The following WIZ variants were observed in gnomAD, a reference collection of about 807,000 sequenced individuals.
The protein encoded by WIZ is protein Wiz.
WIZ carries 25 observed loss-of-function variants against 140.2 expected under a neutral mutation model. The observed-to-expected ratio is 0.18, with a 90% confidence interval of 0.13 to 0.25. WIZ has a LOEUF of 0.25. Ranked by LOEUF, WIZ falls within the 10% of genes least tolerant of loss-of-function variation. The probability of loss-of-function intolerance (pLI) is 1.00; values close to 1 mark genes in which losing one functional copy is unlikely to be tolerated. For missense variants in WIZ, 2,231 were observed against 2,632.6 expected (o/e 0.85, Z 3.34); for synonymous variants, 1,125 against 1,154.3 (o/e 0.97, Z 0.51).
Position 15,429,818 on chromosome 19 carries a change from G to A in WIZ, c.3183C>T (p.Pro1061=), listed in dbSNP as rs1186230922. 1 of 1,526,508 alleles carries A rather than the reference G, an allele frequency of 6.6e-7. No individual in the cohort carries two copies. Among genetic ancestry groups the A allele is most frequent in the African/African-American group, 1.4e-5 (1 of 72,680 alleles). 94.6% of individuals were successfully genotyped at this position (1,526,508 alleles called of 1,614,324 possible). ...CTTTGTTGACAGCAGGGGCATCCAAGGGCTTGGCCAGGCTGAGCAAGCCGG... is the reference window on the plus strand; with the variant it reads ...CTTTGTTGACAGCAGGGGCATCCAAAGGCTTGGCCAGGCTGAGCAAGCCGG... ...PRPGLLSLAK[P]LDAPAVNKAI... is the part of the protein sequence containing the mutation. The change falls in exon 7 of 13, where the codon CCC becomes CCT. Residue 1061 remains proline, a synonymous_variant. Transcript: ENST00000673675.
Position 15,430,052 on chromosome 19 carries a change from G to A in WIZ, c.2949C>T (p.Cys983=). 3 of 1,534,944 alleles carry A rather than the reference G, an allele frequency of 2.0e-6. No individual in the cohort carries two copies. The highest frequency in any genetic ancestry group is 2.6e-6 in the Non-Finnish European group (3 of 1,146,196). The change falls in exon 7 of 13, where the codon TGC becomes TGT. Residue 983 remains cysteine (C), a synonymous_variant. Transcript: ENST00000673675. ...TGGACAGGCCCTTTCGGGTCTCAAA[G>A]CAGGCACCGCAGACCTCGCAGGTGG... ...SLTTCEVCGA[C]FETRKGLSSH... is the part of the protein sequence containing the mutation.
Position 15,425,291 on chromosome 19 carries a change from G to A in WIZ, c.4844C>T (p.Thr1615Ile). The A allele has an allele frequency of 6.3e-7, 1 of 1,591,856 alleles. No individual in the cohort carries two copies. The highest frequency in any genetic ancestry group is 8.5e-7 in the Non-Finnish European group (1 of 1,169,800). The change falls in exon 10 of 13, where the codon ACT (threonine) becomes ATT (isoleucine). Residue 1615 changes from threonine to isoleucine, a missense_variant. By Grantham distance (89) the Thr-to-Ile change is moderately conservative (BLOSUM62 -1). Coordinates refer to ENST00000673675, the MANE Select transcript of WIZ (RefSeq NM_001371589.1). The part of the protein sequence containing the change: ...AEVKAKTYIQ[T>I]ELPFKAKTLH... The stretch of plus-strand genomic sequence containing the variant: ...GGTCTTTGCCTTGAAGGGCAGTTCA[G>A]TCTGGATGTAGGTCTTGGCCTTGAC...
At position 15,440,135 on chromosome 19, in the gene WIZ, C is replaced by G. The variant is rs764300974; in HGVS notation, c.859G>C (p.Gly287Arg). ...LQPLLPPIRT[G>R]PYLCELLEEV... The stretch of plus-strand genomic sequence containing the variant: ...TCCAGCAGCTCACACAGGTAGGGCC[C>G]GGTCCGGATCGGGGGCAGTAGCGGC... Residue 287 changes from glycine (G) to arginine (R), a missense_variant, in exon 4 of 13, where the codon GGG (glycine) becomes CGG (arginine). Coordinates refer to ENST00000673675, the MANE Select transcript of WIZ (RefSeq NM_001371589.1). This position sits in a 1 kb window ranked among gnomAD's most constrained non-coding sequence, Gnocchi z 6.2. 3 of 1,532,552 alleles carry G rather than the reference C, an allele frequency of 2.0e-6. No individual in the cohort carries two copies. The African/African-American group carries it at 4.1e-5, about 21-fold the overall frequency. 94.9% of individuals were successfully genotyped at this position (1,532,552 alleles called of 1,614,324 possible). A position where few individuals can be genotyped will look rare whatever the true frequency, so the allele number is the denominator to read the frequency against.
At chr19:15,438,319 T>C (rs1969592872) in intron 4 of WIZ, among the ~76,000 whole-genome samples, 1 of 152,164 alleles carries the variant, frequency 6.6e-6, no homozygotes, top group Non-Finnish European at 1.5e-5. Flanking sequence ...TAAATATTTG[T>C]TGAATGGAGG....
chr19:15,432,383 G>A (rs1969308165), intron 5 of WIZ: 1 of 965,674 alleles, frequency 1.0e-6, no homozygotes, highest in Admixed American at 6.2e-5. Flanking sequence ...GCACCGGCAG[G>A]CGGGATTCCG....
Position 15,440,860 on chromosome 19 carries a change from A to T in WIZ, c.279-145T>A. On this transcript the variant is annotated intron_variant, in intron 3 of 12. Transcript: ENST00000673675. This position sits in a 1 kb window ranked among gnomAD's most constrained non-coding sequence, Gnocchi z 6.2. ...ACAGGGGTGTGGGGGTGAGGGTGGG[A>T]GGTAGGGGGAGTCCACGTGGATCCT... 1 of 714,364 alleles carries T rather than the reference A, an allele frequency of 1.4e-6. No homozygotes were observed. The highest frequency in any genetic ancestry group is 2.2e-6 in the Non-Finnish European group (1 of 447,258). The allele number at this position is 714,364 out of a possible 1,614,324, so 44.3% of individuals were successfully genotyped here. A position where few individuals can be genotyped will look rare whatever the true frequency, so the allele number is the denominator to read the frequency against.
intron 5 of WIZ, among the ~76,000 whole-genome samples, chr19:15,435,381 G>C (rs1369894481): frequency 1.3e-5 from 2 of 152,116 alleles, no homozygotes; most frequent in African/African-American, 4.8e-5. Flanking sequence ...GAGGCAGGAG[G>C]ATTGCTTGAG....
Position 15,431,048 on chromosome 19 carries a change from G to T in WIZ, c.2875C>A (p.Pro959Thr). The change falls in exon 6 of 13, where the codon CCT (proline) becomes ACT (threonine). Residue 959 changes from proline (P) to threonine (T), a missense_variant. Physicochemically the swap from Pro to Thr is conservative, Grantham distance 38. Coordinates refer to ENST00000673675, the MANE Select transcript of WIZ (RefSeq NM_001371589.1). ...RLSSKVAAEV[P>T]HGSKQELQDL... ...TGCAGCTCCTGTTTGCTGCCATGAG[G>T]AACCTCTGCAGCCACTTTGCTGCTC... 6.5e-7 allele frequency: 1 copy of T among 1,535,702 alleles called. No homozygotes were observed. Among genetic ancestry groups the T allele is most frequent in the South Asian group, 1.2e-5 (1 of 83,976 alleles).
chr19:15,425,028 G>A lies in WIZ; in HGVS notation c.4899C>T (p.Thr1633=), dbSNP rs773770799. The A allele has an allele frequency of 8.9e-6, 14 of 1,578,492 alleles. No individual in the cohort carries two copies. The highest frequency in any genetic ancestry group is 1.3e-5 in the African/African-American group (1 of 74,504). ...TLHEKTSHSS[T]EACCELCGLY... Reference sequence around the variant, plus strand: ...GGCCACACAGCTCGCAGCAGGCCTCGGTGGCTGCGGGGCGGAGGGGGTGCT... The same window carrying A: ...GGCCACACAGCTCGCAGCAGGCCTCAGTGGCTGCGGGGCGGAGGGGGTGCT... Residue 1633 remains threonine (T), a synonymous_variant, in exon 11 of 13, where the codon ACC becomes ACT. Transcript: ENST00000673675.
Position 15,439,404 on chromosome 19 carries a change from C to A in WIZ, c.1590G>T (p.Pro530=). 6.5e-7 allele frequency: 1 copy of A among 1,527,728 alleles called. No individual in the cohort carries two copies. Among genetic ancestry groups the A allele is most frequent in the Non-Finnish European group, 8.8e-7 (1 of 1,141,296 alleles). 94.6% of individuals were successfully genotyped at this position (1,527,728 alleles called of 1,614,324 possible). ...TAVDYFGKAE[P]SLAPMWRENP... is the part of the protein sequence containing the mutation. Reference sequence around the variant, plus strand: ...TCTCCCGCCACATGGGGGCCAAGGACGGCTCAGCTTTGCCAAAGTAGTCCA... The same window carrying A: ...TCTCCCGCCACATGGGGGCCAAGGAAGGCTCAGCTTTGCCAAAGTAGTCCA... Residue 530 remains proline, a synonymous_variant, in exon 4 of 13, where the codon CCG becomes CCT. Transcript: ENST00000673675. This position sits in a 1 kb window ranked among gnomAD's most constrained non-coding sequence, Gnocchi z 7.0.
In WIZ at chr19:15,428,181, T is replaced by C; in HGVS notation, c.3743A>G (p.Gln1248Arg). The stretch of plus-strand genomic sequence containing the variant: ...GGCGGCTGCGGCGGCCGAGAGGTCC[T>C]GCTTCCCCCAGGGGCTGGCCATACC... ...AAGMASPWGK[Q>R]DLSAAAAAGI... Residue 1248 changes from glutamine (Q) to arginine (R), a missense_variant, in exon 8 of 13, where the codon CAG becomes CGG. By Grantham distance (43) the Gln-to-Arg change is conservative. Coordinates refer to ENST00000673675, the MANE Select transcript of WIZ (RefSeq NM_001371589.1). This position sits in a 1 kb window ranked among gnomAD's most constrained non-coding sequence, Gnocchi z 6.4. 1 of 1,534,518 alleles carries C rather than the reference T, an allele frequency of 6.5e-7. No homozygotes were observed. The highest frequency in any genetic ancestry group is 2.4e-5 in the East Asian group (1 of 40,902).
Position 15,422,918 on chromosome 19 carries a change from C to A in WIZ, c.*158G>T. 1.7e-6 allele frequency: 2 copies of A among 1,143,996 alleles called. No individual in the cohort carries two copies. Among genetic ancestry groups the A allele is most frequent in the Non-Finnish European group, 2.4e-6 (2 of 837,454 alleles). 70.9% of individuals were successfully genotyped at this position (1,143,996 alleles called of 1,614,324 possible). On this transcript the variant is annotated 3_prime_UTR_variant, in exon 13 of 13. Coordinates refer to ENST00000673675, the MANE Select transcript of WIZ (RefSeq NM_001371589.1). ...GGAAGGGCAGCTAGCTGGCTCCCGG[C>A]GCCCTGGCTGTAGTGTGCCCGGCCC...
chr19:15,420,756 A>G lies in WIZ; in HGVS notation c.*2320T>C, dbSNP rs1396102192. 1 of 152,266 alleles carries G rather than the reference A, an allele frequency of 6.6e-6. No individual in the cohort carries two copies. Among genetic ancestry groups the G allele is most frequent in the Non-Finnish European group, 1.5e-5 (1 of 68,048 alleles). 9.4% of individuals were successfully genotyped at this position (152,266 alleles called of 1,614,324 possible). On this transcript the variant is annotated 3_prime_UTR_variant, in exon 13 of 13. Transcript: ENST00000673675. The stretch of plus-strand genomic sequence containing the variant: ...CATGATTGGTGGGGAGGAACTTGCC[A>G]TATGACTTTATAAGCTCTTGTATCA...
At chr19:15,448,765 T>C (rs1368168669) in intron 1 of WIZ, among the ~76,000 whole-genome samples, 1 of 152,110 alleles carries the variant, frequency 6.6e-6, no homozygotes, top group Non-Finnish European at 1.5e-5. Flanking sequence ...CTGCCATGCC[T>C]TCGTTTCCTC....
At chr19:15,435,516 C>T (rs528542555) in intron 5 of WIZ, among the ~76,000 whole-genome samples, 6 of 152,242 alleles carry the variant, frequency 3.9e-5, no homozygotes, top group Admixed American at 3.9e-4. Flanking sequence ...TCAGGTCTGC[C>T]GGATAAAGCA....
chr19:15,424,461 G>C lies in WIZ; in HGVS notation c.5315-83C>G. 1 of 1,545,776 alleles carries C rather than the reference G, an allele frequency of 6.5e-7. No individual in the cohort carries two copies. Among genetic ancestry groups the C allele is most frequent in the African/African-American group, 1.4e-5 (1 of 71,696 alleles). On this transcript the variant is annotated intron_variant, in intron 11 of 12. Transcript: ENST00000673675. The surrounding 1 kb of genome is among the most constrained non-coding windows in gnomAD (Gnocchi z 9.7). The stretch of plus-strand genomic sequence containing the variant: ...GAATACACAAGAGCTGAGGACTGAT[G>C]CTACCTGGATGGGTGGGATGGGGGA...
intron 12 of WIZ, 76 bp from the exon 13 acceptor site, chr19:15,423,311 G>GCC: frequency 6.5e-7 from 1 of 1,532,056 alleles, no homozygotes; most frequent in South Asian, 1.2e-5. Flanking sequence ...CAGCATCCCT[G>GCC]GGCACACCTG....
At chr19:15,429,490 A>G in intron 7 of WIZ, 96 bp downstream of exon 7, 2 of 335,306 alleles carry the variant, frequency 6.0e-6, no homozygotes, top group Non-Finnish European at 1.0e-5. Flanking sequence ...CACCGCCCCC[A>G]CCCACCCTGG....
rs1325129171 is a variant in WIZ, at chr19:15,422,443, C to A, written c.*633G>T. 2.0e-5 allele frequency: 3 copies of A among 151,990 alleles called. No individual in the cohort carries two copies. Among genetic ancestry groups the A allele is most frequent in the Non-Finnish European group, 4.4e-5 (3 of 68,038 alleles). The allele number at this position is 151,990 out of a possible 1,614,324, so 9.4% of individuals were successfully genotyped here. On this transcript the variant is annotated 3_prime_UTR_variant, in exon 13 of 13. Coordinates refer to ENST00000673675, the MANE Select transcript of WIZ (RefSeq NM_001371589.1). The stretch of plus-strand genomic sequence containing the variant: ...GCAGCTGTCAGCTCTGAGCTCTTCC[C>A]AGCTGGGAAGGCCCCTCTCGGGGGC...
Sources: gnomAD v4.1 joint callset for allele counts (sites outside exome capture counted in the v4.1 genomes callset) on GRCh38, gnomAD v4.1.1 for gene constraint, Gnocchi (gnomAD v3.1) non-coding constraint, MANE v1.5 for transcripts, NCBI Gene and HGNC (gene_info 2026-07-23, HGNC 2026-07-21) for gene names.